Variants in MYO9B observed in about 807,000 individuals in gnomAD.
MYO9B encodes myosin IXB.
A neutral mutation model predicts 229.5 loss-of-function variants in MYO9B; 71 were observed. That is an observed-to-expected ratio of 0.31 (90% CI 0.26 to 0.38). MYO9B has a LOEUF of 0.38. Among genes scored for constraint, MYO9B ranks in the 10% least tolerant of loss-of-function variants. The pLI is 1.00. For synonymous variants in MYO9B, 1,185 were observed against 1,235.8 expected (o/e 0.96, Z 0.86); for missense variants, 2,255 against 2,920.5 (o/e 0.77, Z 5.25).
chr19:17,149,798 C>G (rs1409320789), intron 3 of MYO9B, among the ~76,000 whole-genome samples: 1 of 152,170 alleles, frequency 6.6e-6, no homozygotes, highest in Non-Finnish European at 1.5e-5. Context: ...TATAAGACCC[C>G]TTTTTTAGGC....
At chr19:17,108,859 G>A (rs942484178) in intron 2 of MYO9B, among the ~76,000 whole-genome samples, 1 of 151,102 alleles carries the variant, frequency 6.6e-6, no homozygotes, top group Non-Finnish European at 1.5e-5. Context: ...GACTACAGGC[G>A]CCCACCACCG....
intron 2 of MYO9B, among the ~76,000 whole-genome samples, chr19:17,114,262 T>A (rs2057877755): frequency 6.6e-6 from 1 of 152,194 alleles, no homozygotes; most frequent in African/African-American, 2.4e-5. Flanking sequence ...CCATTGGAGT[T>A]ACACATCAAC....
At chr19:17,080,784 G>A (rs905800350) in intron 1 of MYO9B, among the ~76,000 whole-genome samples, 5 of 152,080 alleles carry the variant, frequency 3.3e-5, no homozygotes, top group East Asian at 1.9e-4. Flanking sequence ...CAGACAGATC[G>A]CTTGAGCCTG....
chr19:17,128,166 C>A (rs892702067), intron 2 of MYO9B, among the ~76,000 whole-genome samples: 2 of 151,606 alleles, frequency 1.3e-5, no homozygotes, highest in African/African-American at 4.9e-5. Context: ...CACTTGAGCC[C>A]AGGAGTTCAA....
At chr19:17,107,879 G>A (rs1169240378) in intron 2 of MYO9B, among the ~76,000 whole-genome samples, 1 of 152,166 alleles carries the variant, frequency 6.6e-6, no homozygotes, top group Non-Finnish European at 1.5e-5. Context: ...ACAGTTTCTG[G>A]GGGTGAGGAT....
intron 19 of MYO9B, among the ~76,000 whole-genome samples, chr19:17,190,633 G>A (rs796083255): frequency 2.2e-4 from 23 of 103,992 alleles, no homozygotes; most frequent in South Asian, 1.8e-3. Context: ...GTGAGACCCC[G>A]TCTCAAAAAA....
Position 17,153,962 on chromosome 19 carries a change from T to G in MYO9B, c.999-5T>G, listed in dbSNP as rs748697010. 1 of 1,612,364 alleles carries G rather than the reference T, an allele frequency of 6.2e-7. No homozygotes were observed. The highest frequency in any genetic ancestry group is 1.3e-5 in the African/African-American group (1 of 75,020). The stretch of plus-strand genomic sequence containing the variant: ...AACTATTTTCCTCCCAATTTTGACC[T>G]GTAGGAACTACCATGTGTTTTATTA... On this transcript the variant is annotated splice_polypyrimidine_tract_variant and splice_region_variant and intron_variant, in intron 4 of 39. Transcript: ENST00000682292.
intron 15 of MYO9B, 61 bp downstream of exon 15, chr19:17,181,101 A>ACC: frequency 8.1e-7 from 1 of 1,229,466 alleles, no homozygotes. Flanking sequence ...TACTCCTGCG[A>ACC]CCCCGGCGGG....
intron 2 of MYO9B, among the ~76,000 whole-genome samples, chr19:17,116,021 C>G (rs2057899775): frequency 1.4e-5 from 1 of 72,598 alleles, no homozygotes; most frequent in African/African-American, 6.8e-5. Flanking sequence ...CACTCTGTCT[C>G]TCTGCCCCAC....
At chr19:17,089,294 A>G (rs1396855372) in intron 1 of MYO9B, among the ~76,000 whole-genome samples, 4 of 152,154 alleles carry the variant, frequency 2.6e-5, no homozygotes, top group South Asian at 4.1e-4. Flanking sequence ...AATCCTCAAC[A>G]GGATCAGGGA....
intron 18 of MYO9B, among the ~76,000 whole-genome samples, chr19:17,187,694 C>G (rs2072934288): frequency 6.6e-6 from 1 of 151,998 alleles, no homozygotes; most frequent in South Asian, 2.1e-4. Flanking sequence ...GAAAGAGTGT[C>G]TGGAGCAAGG....
chr19:17,079,182 C>G (rs972200038), intron 1 of MYO9B, among the ~76,000 whole-genome samples: 1 of 152,216 alleles, frequency 6.6e-6, no homozygotes, highest in African/African-American at 2.4e-5. Flanking sequence ...TGGTTCCCCT[C>G]TAGGGCCCAT....
At position 17,175,666 on chromosome 19, in the gene MYO9B, T is replaced by A. The variant is rs534696706; in HGVS notation, c.2144T>A (p.Met715Lys). The part of the protein sequence containing the change: ...RAERAEKAAG[M>K]SSPGAQSHPE... ...ATCCACTCTGTGTCTCCGGCAGGTA[T>A]GAGCAGCCCTGGTGCCCAAAGTCAC... is the stretch of plus-strand genomic sequence containing the variant. Residue 715 changes from methionine (M) to lysine (K), a missense_variant, in exon 14 of 40, where the codon ATG (methionine) becomes AAG (lysine). By Grantham distance (95) the Met-to-Lys change is moderately conservative (BLOSUM62 -1). This residue lies in a region of MYO9B where 155 missense variants were observed against 159.1 expected (regional missense o/e 0.97). Transcript: ENST00000682292. The A allele has an allele frequency of 7.0e-6, 11 of 1,571,868 alleles. No individual in the cohort carries two copies. In the South Asian group the frequency reaches 1.2e-4, roughly 17 times the overall value.
At chr19:17,090,024 C>G (rs1047260869) in intron 1 of MYO9B, among the ~76,000 whole-genome samples, 4 of 150,718 alleles carry the variant, frequency 2.7e-5, no homozygotes, top group African/African-American at 9.7e-5. Flanking sequence ...TAAATGGAGT[C>G]ACACCCCATA....
chr19:17,081,163 G>C (rs2123429084), intron 1 of MYO9B, among the ~76,000 whole-genome samples: 1 of 152,230 alleles, frequency 6.6e-6, no homozygotes, highest in Non-Finnish European at 1.5e-5. Flanking sequence ...GAGTAGCTGG[G>C]ACTACAGGCG....
chr19:17,161,934 G>A (rs553487865), intron 8 of MYO9B, among the ~76,000 whole-genome samples: 36 of 149,900 alleles, frequency 2.4e-4, no homozygotes, highest in African/African-American at 8.1e-4. Flanking sequence ...TTTGCAGTGA[G>A]CCAAGATTGC....
chr19:17,171,619 G>A (rs962674035), intron 11 of MYO9B, among the ~76,000 whole-genome samples: 17 of 152,142 alleles, frequency 1.1e-4, no homozygotes, highest in African/African-American at 4.1e-4. Context: ...CGAAGAGAGT[G>A]AGCCACCCAG....
chr19:17,118,566 C>G (rs2057930226), intron 2 of MYO9B, among the ~76,000 whole-genome samples: 1 of 152,062 alleles, frequency 6.6e-6, no homozygotes, highest in African/African-American at 2.4e-5. Context: ...ACTAAAACCT[C>G]CGCCTCCCAG....
chr19:17,086,828 T>C (rs974347357), intron 1 of MYO9B, among the ~76,000 whole-genome samples: 7 of 150,452 alleles, frequency 4.7e-5, no homozygotes, highest in Non-Finnish European at 7.4e-5. Flanking sequence ...AACAGCGAGC[T>C]GAGATAGCGC....
Sources: allele counts gnomAD v4.1 joint callset (sites outside exome capture counted in the v4.1 genomes callset), GRCh38; gene constraint gnomAD v4.1.1; regional missense constraint gnomAD v4.1.1; transcripts MANE v1.5; gene names NCBI Gene and HGNC (gene_info 2026-07-23, HGNC 2026-07-21).